STON2: variants seen among roughly 807,000 people sequenced by gnomAD.
STON2 encodes the protein stonin-2.
A neutral mutation model predicts 65.7 loss-of-function variants in STON2; 29 were observed. The ratio of observed to expected loss-of-function variants is 0.44; its 90% CI spans 0.33 to 0.60. STON2 has a LOEUF of 0.60. Among genes scored for constraint, STON2 ranks in the 20% least tolerant of loss-of-function variants. The pLI, the probability that STON2 is intolerant of heterozygous loss-of-function variation, is 0.03. For synonymous variants in STON2, 404 were observed against 414.2 expected (o/e 0.98, Z 0.30); for missense variants, 1,054 against 1,118.1 (o/e 0.94, Z 0.82).
chr14:81,265,044 C>G lies in STON2; in HGVS notation c.*3370G>C. 1.0e-5 allele frequency: 10 copies of G among 978,646 alleles called. No individual in the cohort carries two copies. The highest frequency in any genetic ancestry group is 1.2e-5 in the Non-Finnish European group (10 of 824,752). 60.6% of individuals were successfully genotyped at this position (978,646 alleles called of 1,614,324 possible). A position where few individuals can be genotyped will look rare whatever the true frequency, so the allele number is the denominator to read the frequency against. Reference sequence around the variant, plus strand: ...AAAATGAATTCATTTTTAATATTTTCACATTATTGATAACAAAGATTATTT... The same window carrying G: ...AAAATGAATTCATTTTTAATATTTTGACATTATTGATAACAAAGATTATTT... On this transcript the variant is annotated 3_prime_UTR_variant, in exon 8 of 8. Coordinates refer to ENST00000614646, the MANE Select transcript of STON2 (RefSeq NM_001394390.1).
upstream of STON2, among the ~76,000 whole-genome samples, chr14:81,404,061 T>C (rs913719611): frequency 1.3e-5 from 2 of 152,234 alleles, no homozygotes; most frequent in Non-Finnish European, 2.9e-5. Flanking sequence ...GCTGAATGAA[T>C]GAATTTGCCT....
rs776703010 is a variant in STON2 at position 81,277,460 on chromosome 14, G to A, written c.2022C>T (p.Asp674=). 8 of 1,614,038 alleles carry A rather than the reference G, an allele frequency of 5.0e-6. No individual in the cohort carries two copies. The Admixed American group carries it at 6.7e-5, about 13-fold the overall frequency. ...CTATTTCATTCCCTTTGACGAGGAT[G>A]TCATTGAGGCCCAGGCGGCACTCTG... is the stretch of plus-strand genomic sequence containing the variant. ...GLAECRLGLN[D]ILVKGNEIVL... The change falls in exon 6 of 8, where the codon GAC becomes GAT. Residue 674 remains aspartate, a synonymous_variant. Coordinates refer to ENST00000614646, the MANE Select transcript of STON2 (RefSeq NM_001394390.1).
At position 81,321,370 on chromosome 14, in the gene STON2, TAAAAAAAAAA is replaced by T. The variant is rs566882924; in HGVS notation, c.742+2637_742+2646del. Reference sequence around the variant, plus strand: ...ACAAAGTGAGAGCCTGTTTCTACTTTAAAAAAAAAAAAAAAAAAAGAATTCCAGAAACCAG... The same window carrying T: ...ACAAAGTGAGAGCCTGTTTCTACTTTAAAAAAAAAGAATTCCAGAAACCAG... On this transcript the variant is annotated intron_variant, in intron 5 of 7. Transcript: ENST00000614646. Among the ~76,000 whole-genome samples, 12 of 126,722 alleles carry T rather than the reference TAAAAAAAAAA, an allele frequency of 9.5e-5. No individual in the cohort carries two copies. In the East Asian group the frequency reaches 1.3e-3, roughly 14 times the overall value. 83.1% of individuals were successfully genotyped at this position (126,722 alleles called of 152,430 possible). A position where few individuals can be genotyped will look rare whatever the true frequency, so the allele number is the denominator to read the frequency against.
intron 2 of STON2, among the ~76,000 whole-genome samples, chr14:81,408,467 T>G (rs1285267319): frequency 2.0e-5 from 3 of 152,150 alleles, no homozygotes; most frequent in African/African-American, 7.2e-5. Flanking sequence ...GTGAACTCCC[T>G]CTTCTTTTTC....
At chr14:81,310,392 T>C (rs1008274362) in intron 5 of STON2, among the ~76,000 whole-genome samples, 1 of 152,186 alleles carries the variant, frequency 6.6e-6, no homozygotes, top group Non-Finnish European at 1.5e-5. Flanking sequence ...GGTCATTTAA[T>C]TTCAACCTAT....
At position 81,267,367 on chromosome 14, in the gene STON2, T is replaced by G; in HGVS notation, c.*1047A>C. 2.0e-6 allele frequency: 2 copies of G among 985,390 alleles called. No homozygotes were observed. Among genetic ancestry groups the G allele is most frequent in the Non-Finnish European group, 2.4e-6 (2 of 829,926 alleles). 61.0% of individuals were successfully genotyped at this position (985,390 alleles called of 1,614,324 possible). A position where few individuals can be genotyped will look rare whatever the true frequency, so the allele number is the denominator to read the frequency against. On this transcript the variant is annotated 3_prime_UTR_variant, in exon 8 of 8. Coordinates refer to ENST00000614646, the MANE Select transcript of STON2 (RefSeq NM_001394390.1). ...TACTGTGATTATCAAACTCTGAATT[T>G]TGGGGGAAAGCTCATTCAAGCTTAA...
intron 2 of STON2, among the ~76,000 whole-genome samples, chr14:81,426,291 A>G (rs530256113): frequency 7.2e-5 from 11 of 152,228 alleles, no homozygotes; most frequent in Non-Finnish European, 1.6e-4. Flanking sequence ...GAAAATGCCA[A>G]TGGGTCCATA....
At position 81,335,543 on chromosome 14, in the gene STON2, T is replaced by C. The variant is rs577326054; in HGVS notation, c.572-11356A>G. Among the ~76,000 whole-genome samples the C allele has an allele frequency of 4.6e-5, 7 of 152,252 alleles. No homozygotes were observed. The South Asian group carries it at 1.2e-3, about 27-fold the overall frequency. On this transcript the variant is annotated intron_variant, in intron 4 of 7. Coordinates refer to ENST00000614646, the MANE Select transcript of STON2 (RefSeq NM_001394390.1). ...TGTTTTTCTTTTGGTTCTGGAGACA[T>C]AGCTGGACTGTCAGATACCCTGCTG...
At chr14:81,396,408 G>A (rs904529756) in intron 2 of STON2, among the ~76,000 whole-genome samples, 1 of 152,228 alleles carries the variant, frequency 6.6e-6, no homozygotes, top group Admixed American at 6.5e-5. Context: ...CTGGCAGGCA[G>A]AGACTAGGAG....
Position 81,278,360 on chromosome 14 carries a change from A to G in STON2, c.1122T>C (p.Asn374=). The G allele has an allele frequency of 6.2e-7, 1 of 1,614,162 alleles. No homozygotes were observed. Among genetic ancestry groups the G allele is most frequent in the South Asian group, 1.1e-5 (1 of 91,082 alleles). Residue 374 remains asparagine (N), a synonymous_variant, in exon 6 of 8, where the codon AAT becomes AAC. Coordinates refer to ENST00000614646, the MANE Select transcript of STON2 (RefSeq NM_001394390.1). ...AGGGCTGTACATCCTGCAGAGTCTCATTCAGGAAAGGGTTGGTTGCCCTCC... is the reference window on the plus strand; with the variant it reads ...AGGGCTGTACATCCTGCAGAGTCTCGTTCAGGAAAGGGTTGGTTGCCCTCC... ...SPWRATNPFL[N]ETLQDVQPSP...
chr14:81,294,423 G>A (rs1303135660), intron 5 of STON2, among the ~76,000 whole-genome samples: 1 of 152,046 alleles, frequency 6.6e-6, no homozygotes, highest in African/African-American at 2.4e-5. Context: ...ACGGACTATG[G>A]CTCCATGCTG....
At chr14:81,404,944 G>A (rs1250638728), upstream of STON2, among the ~76,000 whole-genome samples, 2 of 152,174 alleles carry the variant, frequency 1.3e-5, no homozygotes, top group African/African-American at 2.4e-5. Context: ...TGTTTCTAAT[G>A]AGCAGTTGAT....
rs1595459483 is a variant in STON2, at chr14:81,412,929, A to G, written c.-199+14173T>C. On this transcript the variant is annotated intron_variant, in intron 2 of 8. Transcript: ENST00000553821. The stretch of plus-strand genomic sequence containing the variant: ...GGGCGATGCTTAGCACCTCCCCAGG[A>G]GACCGTTGCAGTCAGCCAGCCCCCT... 23 of 723,316 alleles carry G rather than the reference A, an allele frequency of 3.2e-5. 3 individuals are homozygous for G. Among genetic ancestry groups the G allele is most frequent in the Non-Finnish European group, 1.4e-5 (6 of 430,660 alleles). The allele number at this position is 723,316 out of a possible 1,614,324, so 44.8% of individuals were successfully genotyped here.
At chr14:81,303,690 CT>C (rs1896059381) in intron 5 of STON2, among the ~76,000 whole-genome samples, 1 of 152,190 alleles carries the variant, frequency 6.6e-6, no homozygotes, top group South Asian at 2.1e-4. Flanking sequence ...CCATCCTGGA[CT>C]GGATTTTGCC....
At chr14:81,350,312 A>G (rs140057905) in intron 4 of STON2, among the ~76,000 whole-genome samples, 39 of 152,262 alleles carry the variant, frequency 2.6e-4, no homozygotes, top group African/African-American at 8.4e-4. Flanking sequence ...CACCACATAT[A>G]CCCCATAAAT....
At chr14:81,294,021 T>C (rs774490914) in intron 5 of STON2, among the ~76,000 whole-genome samples, 2 of 152,218 alleles carry the variant, frequency 1.3e-5, no homozygotes, top group Non-Finnish European at 2.9e-5. Context: ...TAAGCTACTA[T>C]GTCTTCAGAA....
At chr14:81,354,659 A>G (rs1487191044) in intron 4 of STON2, among the ~76,000 whole-genome samples, 1 of 152,194 alleles carries the variant, frequency 6.6e-6, no homozygotes. Context: ...GAATTTTGAC[A>G]AAAAAATAGA....
intron 3 of STON2, among the ~76,000 whole-genome samples, chr14:81,393,398 G>A (rs533929652): frequency 6.6e-6 from 1 of 152,028 alleles, no homozygotes; most frequent in Non-Finnish European, 1.5e-5. Context: ...GGGAGCAGAG[G>A]ATACTAGAGC....
chr14:81,290,055 A>G (rs1351261849), intron 5 of STON2, among the ~76,000 whole-genome samples: 9 of 152,172 alleles, frequency 5.9e-5, no homozygotes, highest in Admixed American at 3.9e-4. Context: ...CACCAGCACT[A>G]AAGTCCTACA....
Sources: allele counts gnomAD v4.1 joint callset (sites outside exome capture counted in the v4.1 genomes callset), GRCh38; gene constraint gnomAD v4.1.1; transcripts MANE v1.5; gene names NCBI Gene and HGNC (gene_info 2026-07-23, HGNC 2026-07-21).